Variants in WFDC8 observed in about 807,000 individuals in gnomAD.
WFDC8 encodes the protein WAP four-disulfide core domain protein 8.
In WFDC8, 24 loss-of-function variants were observed where a neutral mutation model predicts 27.0. The observed-to-expected ratio is 0.89, with a 90% CI of 0.64 to 1.25. WFDC8 has a LOEUF of 1.25. Among genes scored for constraint, WFDC8 ranks in the 50% most tolerant of loss-of-function variants. The probability of loss-of-function intolerance (pLI) is 0.00; values close to 1 mark genes in which losing one functional copy is unlikely to be tolerated. For missense variants in WFDC8, 287 were observed against 295.9 expected, an observed-to-expected ratio of 0.97 and a Z score of 0.22; for synonymous variants, 106 against 99.7, an observed-to-expected ratio of 1.06 and a Z score of -0.38.
chr20:45,560,005 A>C (rs1980410746), intron 2 of WFDC8: 1 of 152,230 alleles, frequency 6.6e-6, no homozygotes, highest in South Asian at 2.1e-4. Context: ...AATGCTGTGA[A>C]GGGATTTTGC....
At position 45,579,248 on chromosome 20, in the gene WFDC8, C is replaced by G. The variant is rs1369865205; in HGVS notation, c.-1G>C. 6.2e-7 allele frequency: 1 copy of G among 1,613,812 alleles called. No homozygotes were observed. The highest frequency in any genetic ancestry group is 8.5e-7 in the Non-Finnish European group (1 of 1,179,962). ...CTCCTTCAGTTCGGACAGTCCACAT[C>G]AGGCCTCTTCCCTATGGAGACAGCT... On this transcript the variant is annotated 5_prime_UTR_variant, in exon 1 of 6. Transcript: ENST00000289953.
rs1600893312 is a variant in WFDC8 at position 45,564,450 on chromosome 20, T to C, written c.27-2231A>G. ...ACTTTGGGAGGCCCAGGTGGGCGGATTATGAGGTCAGGAGATTGAGACCAT... is the reference window on the plus strand; with the variant it reads ...ACTTTGGGAGGCCCAGGTGGGCGGACTATGAGGTCAGGAGATTGAGACCAT... On this transcript the variant is annotated intron_variant, in intron 1 of 5. Coordinates refer to ENST00000289953, the MANE Select transcript of WFDC8 (RefSeq NM_130896.3). Among the ~76,000 whole-genome samples, 8 of 152,088 alleles carry C rather than the reference T, an allele frequency of 5.3e-5. 3 individuals are homozygous for C. The highest frequency in any genetic ancestry group is 5.2e-4 in the Admixed American group (8 of 15,284).
At chr20:45,574,357 G>A (rs946979612) in intron 1 of WFDC8, among the ~76,000 whole-genome samples, 2 of 151,658 alleles carry the variant, frequency 1.3e-5, no homozygotes, top group African/African-American at 2.4e-5. Context: ...CTCATTTTAT[G>A]AGGCCAGCAT....
chr20:45,568,696 T>C (rs1377117442), intron 1 of WFDC8: 2 of 534,322 alleles, frequency 3.7e-6, no homozygotes, highest in Non-Finnish European at 7.6e-6. Context: ...AAGTCACCAC[T>C]GCCATGCTGA....
intron 2 of WFDC8, chr20:45,559,923 G>T (rs937589471): frequency 6.6e-6 from 1 of 152,004 alleles, no homozygotes; most frequent in African/African-American, 2.4e-5. Context: ...CAGTGCTTGT[G>T]GTAGGTAGAA....
At chr20:45,562,471 G>A (rs1053294910) in intron 1 of WFDC8, among the ~76,000 whole-genome samples, 6 of 152,182 alleles carry the variant, frequency 3.9e-5, no homozygotes, top group Admixed American at 2.6e-4. Context: ...ACAGACACTT[G>A]CCTATTGTCT....
chr20:45,567,547 A>G (rs530857986), intron 1 of WFDC8, among the ~76,000 whole-genome samples: 79 of 152,332 alleles, frequency 5.2e-4, no homozygotes, highest in Non-Finnish European at 7.1e-4. Context: ...TGAAACACAG[A>G]ATACTGCTGT....
chr20:45,555,892 A>G (rs765667201), intron 3 of WFDC8, 24 bp from the exon 4 acceptor site: 1 of 1,609,282 alleles, frequency 6.2e-7, no homozygotes, highest in Admixed American at 1.7e-5. Flanking sequence ...GCAAGGAAAG[A>G]AGGATATGAA....
intron 5 of WFDC8, among the ~76,000 whole-genome samples, chr20:45,552,584 C>A (rs1000202876): frequency 1.3e-5 from 2 of 152,286 alleles, no homozygotes; most frequent in East Asian, 3.9e-4. Flanking sequence ...GGTTGAAAAG[C>A]CTTGGACTCC....
At chr20:45,565,408 A>T (rs192347289) in intron 1 of WFDC8, among the ~76,000 whole-genome samples, 59 of 152,308 alleles carry the variant, frequency 3.9e-4, no homozygotes, top group Admixed American at 2.0e-3. Context: ...GACATTACTG[A>T]TTATTAAACT....
At chr20:45,569,318 A>G (rs1043039283) in intron 1 of WFDC8, among the ~76,000 whole-genome samples, 1 of 152,122 alleles carries the variant, frequency 6.6e-6, no homozygotes, top group African/African-American at 2.4e-5. Flanking sequence ...CATACTTAAA[A>G]CTTTTTGTCC....
chr20:45,562,096 T>G lies in WFDC8; in HGVS notation c.136+14A>C. On this transcript the variant is annotated intron_variant, in intron 2 of 5. Coordinates refer to ENST00000289953, the MANE Select transcript of WFDC8 (RefSeq NM_130896.3). ...CTTTCTAAGGAAGAATGGCTGCAGC[T>G]TTTTTGAACTCACGTTTGATCTTCT... 1 of 1,610,632 alleles carries G rather than the reference T, an allele frequency of 6.2e-7. No individual in the cohort carries two copies. The highest frequency in any genetic ancestry group is 8.5e-7 in the Non-Finnish European group (1 of 1,177,042).
At chr20:45,568,473 TG>T (rs1308103803) in intron 1 of WFDC8, 1 of 308,926 alleles carries the variant, frequency 3.2e-6, no homozygotes, top group Non-Finnish European at 6.6e-6. Flanking sequence ...CTGTTTCATA[TG>T]GCCTTCAGCT....
chr20:45,551,881 G>A lies in WFDC8; in HGVS notation c.*145C>T. On this transcript the variant is annotated 3_prime_UTR_variant, in exon 6 of 6. Transcript: ENST00000289953. ...AATATATCATCACTTTCAGATGATGGGATTATATATAAAATCAAAGTAACA... is the reference window on the plus strand; with the variant it reads ...AATATATCATCACTTTCAGATGATGAGATTATATATAAAATCAAAGTAACA... 1.0e-6 allele frequency: 1 copy of A among 997,948 alleles called. No individual in the cohort carries two copies. Among genetic ancestry groups the A allele is most frequent in the South Asian group, 1.9e-5 (1 of 51,864 alleles). The allele number at this position is 997,948 out of a possible 1,614,324, so 61.8% of individuals were successfully genotyped here.
At position 45,552,458 on chromosome 20, in the gene WFDC8, G is replaced by A. The variant is rs558848191; in HGVS notation, c.587-293C>T. Among the ~76,000 whole-genome samples, 9 of 152,310 alleles carry A rather than the reference G, an allele frequency of 5.9e-5. No individual in the cohort carries two copies. In the South Asian group the frequency reaches 1.2e-3, roughly 21 times the overall value. On this transcript the variant is annotated intron_variant, in intron 5 of 5. Transcript: ENST00000289953. Reference sequence around the variant, plus strand: ...ATATAACCCCAGAGTACCACAGGTGGCAGGAGTATTAGCACACAGAACCTT... The same window carrying A: ...ATATAACCCCAGAGTACCACAGGTGACAGGAGTATTAGCACACAGAACCTT...
chr20:45,566,962 A>T (rs1368886160), intron 1 of WFDC8, among the ~76,000 whole-genome samples: 1 of 152,190 alleles, frequency 6.6e-6, no homozygotes, highest in East Asian at 1.9e-4. Context: ...ATTGGTAGGT[A>T]TTTAATACTT....
Position 45,553,237 on chromosome 20 carries a change from C to G in WFDC8, c.485G>C (p.Arg162Pro). ...GQCPLFPFTE[R>P]KECPPSCHSD... is the part of the protein sequence containing the mutation. The stretch of plus-strand genomic sequence containing the variant: ...GTGACATGAAGGTGGACACTCCTTA[C>G]GTTCAGTGAAAGGGAAGAGTGGGCA... Residue 162 changes from arginine (R) to proline (P), a missense_variant, in exon 5 of 6, where the codon CGT becomes CCT. Physicochemically the swap from Arg to Pro is moderately radical, Grantham distance 103. Coordinates refer to ENST00000289953, the MANE Select transcript of WFDC8 (RefSeq NM_130896.3). 6.2e-7 allele frequency: 1 copy of G among 1,613,836 alleles called. No individual in the cohort carries two copies. Among genetic ancestry groups the G allele is most frequent in the South Asian group, 1.1e-5 (1 of 91,060 alleles).
chr20:45,571,830 A>G (rs777657623), intron 1 of WFDC8, among the ~76,000 whole-genome samples: 4 of 152,202 alleles, frequency 2.6e-5, no homozygotes, highest in Non-Finnish European at 2.9e-5. Flanking sequence ...TAAAGGCTGA[A>G]TAGTAGTTCA....
chr20:45,578,756 T>G (rs1474759938), intron 1 of WFDC8, among the ~76,000 whole-genome samples: 1 of 152,196 alleles, frequency 6.6e-6, no homozygotes, highest in Non-Finnish European at 1.5e-5. Context: ...TGTTTTAATT[T>G]TTTGAAAATG....
Sources: gnomAD v4.1 joint callset for allele counts (sites outside exome capture counted in the v4.1 genomes callset) on GRCh38, gnomAD v4.1.1 for gene constraint, MANE v1.5 for transcripts, NCBI Gene and HGNC (gene_info 2026-07-23, HGNC 2026-07-21) for gene names.